PPIP5K2: variants seen among roughly 807,000 people sequenced by gnomAD.
PPIP5K2 encodes the protein diphosphoinositol pentakisphosphate kinase 2, also known as inositol hexakisphosphate and diphosphoinositol-pentakisphosphate kinase 2.
Under a neutral mutation model 154.6 loss-of-function variants are expected in PPIP5K2, and 105 were observed. The ratio of observed to expected loss-of-function variants is 0.68; its 90% CI spans 0.58 to 0.80. The LOEUF (loss-of-function observed/expected upper bound fraction) is 0.80. Ranked by LOEUF, PPIP5K2 falls within the 30% of genes least tolerant of loss-of-function variation. The pLI is 0.00. For synonymous variants in PPIP5K2, 480 were observed against 490.3 expected (o/e 0.98, Z 0.28); for missense variants, 992 against 1,504.6 (o/e 0.66, Z 5.64).
chr5:103,130,542 C>A (rs77012447), intron 2 of PPIP5K2, among the ~76,000 whole-genome samples: 1 of 152,070 alleles, frequency 6.6e-6, no homozygotes, highest in Non-Finnish European at 1.5e-5. Flanking sequence ...TTTATATTAA[C>A]AATATCTTTC....
intron 3 of PPIP5K2, among the ~76,000 whole-genome samples, chr5:103,134,678 G>T (rs902617153): frequency 6.6e-6 from 1 of 152,030 alleles, no homozygotes; most frequent in East Asian, 1.9e-4. Context: ...TAAAAACTGG[G>T]TGTTATAGCT....
At chr5:103,140,667 C>A (rs893006180) in intron 5 of PPIP5K2, among the ~76,000 whole-genome samples, 1 of 150,330 alleles carries the variant, frequency 6.7e-6, no homozygotes, top group Non-Finnish European at 1.5e-5. Flanking sequence ...GAAACCCCGT[C>A]TCTACTAAAA....
chr5:103,149,091 G>A, intron 7 of PPIP5K2, 61 bp from the exon 8 acceptor site: 1 of 1,196,906 alleles, frequency 8.4e-7, no homozygotes, highest in Non-Finnish European at 1.1e-6. Flanking sequence ...TTGTCTGTTG[G>A]TTACACACAC....
Position 103,158,555 on chromosome 5 carries a change from T to G in PPIP5K2, c.1719T>G (p.Thr573=), listed in dbSNP as rs1795755281. 1 of 1,594,952 alleles carries G rather than the reference T, an allele frequency of 6.3e-7. No individual in the cohort carries two copies. The highest frequency in any genetic ancestry group is 8.5e-7 in the Non-Finnish European group (1 of 1,174,452). ...YASDEGRVQM[T]AAAFAKGLLA... ...CTGATGAAGGACGAGTCCAGATGACTGCAGCTGCTTTTGCAAAGGTATAAA... is the reference window on the plus strand; with the variant it reads ...CTGATGAAGGACGAGTCCAGATGACGGCAGCTGCTTTTGCAAAGGTATAAA... The change falls in exon 16 of 31, where the codon ACT becomes ACG. Residue 573 remains threonine (T), a synonymous_variant. Coordinates refer to ENST00000358359, the MANE Select transcript of PPIP5K2 (RefSeq NM_001276277.3).
rs1554223678 is a variant in PPIP5K2, at chr5:103,183,275, T to C, written c.2964T>C (p.Gly988=). ...GTGTGTCTAGCCCAGAGGGTACTGG[T>C]ACCTGGCTGCATTATACCAGTGGTG... ...PLSVSSPEGT[G]TWLHYTSGVG... The change falls in exon 25 of 31, where the codon GGT becomes GGC. Residue 988 remains glycine (G), a synonymous_variant. Coordinates refer to ENST00000358359, the MANE Select transcript of PPIP5K2 (RefSeq NM_001276277.3). 1.4e-6 allele frequency: 2 copies of C among 1,471,090 alleles called. No individual in the cohort carries two copies. The highest frequency in any genetic ancestry group is 3.1e-5 in the East Asian group (1 of 31,922). 91.1% of individuals were successfully genotyped at this position (1,471,090 alleles called of 1,614,324 possible).
At chr5:103,152,071 T>C (rs1794720547) in intron 9 of PPIP5K2, among the ~76,000 whole-genome samples, 2 of 151,980 alleles carry the variant, frequency 1.3e-5, no homozygotes, top group South Asian at 4.1e-4. Flanking sequence ...GTGTTTTGGA[T>C]TTCAGATTTT....
chr5:103,176,895 A>G (rs1798805704), intron 21 of PPIP5K2: 2 of 1,449,620 alleles, frequency 1.4e-6, no homozygotes. Flanking sequence ...AAGATGGAGG[A>G]ATGGTGAAGG....
In PPIP5K2 at chr5:103,186,516, A is replaced by G. The variant is rs1800411638; in HGVS notation, c.3289+77A>G. 3.8e-6 allele frequency: 6 copies of G among 1,577,900 alleles called. No individual in the cohort carries two copies. In the East Asian group the frequency reaches 1.4e-4, roughly 36 times the overall value. ...CATGAGCAGTATTTCTCAAAGGCAA[A>G]TCTAAGGCCACTGACTGATTCGAGT... On this transcript the variant is annotated intron_variant, in intron 27 of 30. Transcript: ENST00000358359.
intron 29 of PPIP5K2, among the ~76,000 whole-genome samples, chr5:103,191,757 G>A (rs782371612): frequency 2.6e-5 from 4 of 152,048 alleles, no homozygotes; most frequent in African/African-American, 7.2e-5. Flanking sequence ...GCCAGTTGTC[G>A]TTTTCAGCTC....
At chr5:103,153,987 G>A in intron 11 of PPIP5K2, 53 bp downstream of exon 11, 1 of 1,330,140 alleles carries the variant, frequency 7.5e-7, no homozygotes, top group Non-Finnish European at 1.1e-6. Flanking sequence ...TAAGATTTCT[G>A]ATAAGTGATC....
intron 14 of PPIP5K2, among the ~76,000 whole-genome samples, chr5:103,156,207 G>T (rs1036655068): frequency 3.9e-5 from 6 of 152,072 alleles, no homozygotes; most frequent in African/African-American, 1.4e-4. Context: ...AGATTTTATT[G>T]TTCTGAAAAC....
chr5:103,146,470 G>T, intron 5 of PPIP5K2, 57 bp from the exon 6 acceptor site: 1 of 1,549,232 alleles, frequency 6.5e-7, no homozygotes, highest in African/African-American at 1.4e-5. Context: ...ATAATGTGGT[G>T]TCCTGATAAT....
intron 23 of PPIP5K2, 106 bp from the exon 24 acceptor site, chr5:103,179,915 T>G (rs1228651858): frequency 1.1e-6 from 1 of 922,468 alleles, no homozygotes; most frequent in Non-Finnish European, 1.5e-6. Flanking sequence ...GTAAACAAAC[T>G]TGTATATGTA....
intron 5 of PPIP5K2, among the ~76,000 whole-genome samples, chr5:103,142,704 A>G (rs1301374149): frequency 6.6e-6 from 1 of 150,484 alleles, no homozygotes; most frequent in Non-Finnish European, 1.5e-5. Context: ...TGAACCCAGG[A>G]GGCGGAGCTT....
At chr5:103,165,554 C>G (rs1172309625) in intron 17 of PPIP5K2, among the ~76,000 whole-genome samples, 2 of 151,866 alleles carry the variant, frequency 1.3e-5, no homozygotes, top group African/African-American at 4.8e-5. Flanking sequence ...TGAAGAGAGC[C>G]CCTGCGAGGG....
chr5:103,161,669 G>C (rs1796270484), intron 17 of PPIP5K2, among the ~76,000 whole-genome samples: 1 of 152,068 alleles, frequency 6.6e-6, no homozygotes, highest in Non-Finnish European at 1.5e-5. Context: ...GTGTGAGATG[G>C]TATCTCATTG....
chr5:103,154,383 C>T (rs983607208), intron 11 of PPIP5K2, among the ~76,000 whole-genome samples: 4 of 151,940 alleles, frequency 2.6e-5, no homozygotes, highest in Admixed American at 2.6e-4. Context: ...GCAATGACTT[C>T]AGAAAATATA....
At position 103,148,096 on chromosome 5, in the gene PPIP5K2, T is replaced by C. The variant is rs1794027069; in HGVS notation, c.744+64T>C. 8 of 1,155,428 alleles carry C rather than the reference T, an allele frequency of 6.9e-6. No homozygotes were observed. The African/African-American group carries it at 7.8e-5, about 11-fold the overall frequency. The allele number at this position is 1,155,428 out of a possible 1,614,324, so 71.6% of individuals were successfully genotyped here. ...AGTTTACCAATGATATCAGAAAAAG[T>C]AGTTAATCTTTAGCTATATCTAACC... On this transcript the variant is annotated intron_variant, in intron 7 of 30. Transcript: ENST00000358359.
intron 2 of PPIP5K2, among the ~76,000 whole-genome samples, chr5:103,131,524 T>G (rs1433022832): frequency 6.6e-6 from 1 of 152,158 alleles, no homozygotes; most frequent in East Asian, 1.9e-4. Context: ...TTCTATTCCA[T>G]GTATCACAAT....
Sources: gnomAD v4.1 joint callset for allele counts (sites outside exome capture counted in the v4.1 genomes callset) on GRCh38, gnomAD v4.1.1 for gene constraint, MANE v1.5 for transcripts, NCBI Gene and HGNC (gene_info 2026-07-23, HGNC 2026-07-21) for gene names.